Variants in NKAIN3 observed in about 807,000 individuals in gnomAD.
NKAIN3 encodes the protein sodium/potassium transporting ATPase interacting 3.
A neutral mutation model predicts 30.2 loss-of-function variants in NKAIN3; 25 were observed. The ratio of observed to expected loss-of-function variants is 0.83; its 90% CI spans 0.60 to 1.16. NKAIN3 has a LOEUF of 1.16. Ranked by LOEUF, NKAIN3 falls within the 50% of genes most tolerant of loss-of-function variation. The pLI is 0.00. For missense variants in NKAIN3, 225 were observed against 254.1 expected, an observed-to-expected ratio of 0.89 and a Z score of 0.78; for synonymous variants, 91 against 89.6, an observed-to-expected ratio of 1.02 and a Z score of -0.09.
chr8:62,829,742 T>TGATAGATAGATAGATA lies in NKAIN3; in HGVS notation c.471+82625_471+82640dup, dbSNP rs57301851. Among the ~76,000 whole-genome samples the TGATAGATAGATAGATA allele has an allele frequency of 7.4e-3, 1,106 of 150,376 alleles. 12 individuals carry two copies. Among genetic ancestry groups the TGATAGATAGATAGATA allele is most frequent in the African/African-American group, 0.019 (771 of 40,930 alleles). The stretch of plus-strand genomic sequence containing the variant: ...GTTGTTTGTTAACTAGATAGATAGA[T>TGATAGATAGATAGATA]GATAGATAGATAGATAGATAGATAG... On this transcript the variant is annotated intron_variant, in intron 4 of 6. Transcript: ENST00000623646.
rs185000808 is a variant in NKAIN3, at chr8:62,684,640, A to T, written c.274-62292A>T. Among the ~76,000 whole-genome samples, 450 of 152,326 alleles carry T rather than the reference A, an allele frequency of 3.0e-3. 1 individual carries two copies. The highest frequency in any genetic ancestry group is 9.6e-3 in the African/African-American group (401 of 41,570). ...AGATATAAATTAGGGTTATGGGCTG[A>T]ATTTTGTAGCCCCAAAACTACTATG... is the stretch of plus-strand genomic sequence containing the variant. On this transcript the variant is annotated intron_variant, in intron 3 of 6. Transcript: ENST00000623646.
chr8:62,945,628 A>G (rs1055120914), intron 5 of NKAIN3, among the ~76,000 whole-genome samples: 1 of 152,174 alleles, frequency 6.6e-6, no homozygotes, highest in Non-Finnish European at 1.5e-5. Flanking sequence ...AAATTTTGGA[A>G]TTGAGTCTCT....
intron 3 of NKAIN3, among the ~76,000 whole-genome samples, chr8:62,644,838 G>C (rs757465559): frequency 9.2e-5 from 14 of 152,166 alleles, no homozygotes; most frequent in Non-Finnish European, 1.6e-4. Flanking sequence ...ACTGGTTGCT[G>C]ATCAATTTGT....
chr8:62,507,901 G>A (rs1333333462), intron 1 of NKAIN3, among the ~76,000 whole-genome samples: 1 of 152,210 alleles, frequency 6.6e-6, no homozygotes, highest in African/African-American at 2.4e-5. Flanking sequence ...TCTTTGGAGA[G>A]ATTCTGCTGG....
At chr8:62,771,208 G>A (rs773993966) in intron 4 of NKAIN3, among the ~76,000 whole-genome samples, 3 of 152,052 alleles carry the variant, frequency 2.0e-5, no homozygotes, top group South Asian at 2.1e-4. Flanking sequence ...TGGGAGGATC[G>A]CTTGAGCCCG....
intron 1 of NKAIN3, among the ~76,000 whole-genome samples, chr8:62,284,601 G>A (rs1303884291): frequency 1.3e-5 from 2 of 152,018 alleles, no homozygotes; most frequent in African/African-American, 2.4e-5. Context: ...TTTCACTTCA[G>A]CCTGGGCAAC....
At chr8:62,677,662 G>T (rs1287176263) in intron 3 of NKAIN3, among the ~76,000 whole-genome samples, 1 of 152,148 alleles carries the variant, frequency 6.6e-6, no homozygotes, top group Non-Finnish European at 1.5e-5. Flanking sequence ...TAAAAGGAAG[G>T]TCAGTGAGGT....
chr8:62,330,084 C>T (rs1470954793), intron 1 of NKAIN3, among the ~76,000 whole-genome samples: 2 of 151,606 alleles, frequency 1.3e-5, no homozygotes, highest in Non-Finnish European at 2.9e-5. Context: ...AGAATGAGGA[C>T]GAGGAAGTAG....
rs536149876 is a variant in NKAIN3, at chr8:62,283,219, A to G, written c.54+34092A>G. Among the ~76,000 whole-genome samples the G allele has an allele frequency of 3.1e-3, 472 of 152,296 alleles. 4 individuals carry two copies. The highest frequency in any genetic ancestry group is 0.011 in the African/African-American group (461 of 41,558). On this transcript the variant is annotated intron_variant, in intron 1 of 6. Transcript: ENST00000623646. ...ATTTGAAATCTTGAACTTAATCCAGAATTAGAAAATGTCCTTAAGTTATCT... is the reference window on the plus strand; with the variant it reads ...ATTTGAAATCTTGAACTTAATCCAGGATTAGAAAATGTCCTTAAGTTATCT...
chr8:62,420,364 C>T (rs1287687774), intron 1 of NKAIN3, among the ~76,000 whole-genome samples: 1 of 152,094 alleles, frequency 6.6e-6, no homozygotes, highest in Non-Finnish European at 1.5e-5. Context: ...AGGGTGATTC[C>T]AATTACATAG....
chr8:62,539,243 TTAA>T, intron 1 of NKAIN3, among the ~76,000 whole-genome samples: 1 of 152,340 alleles, frequency 6.6e-6, no homozygotes, highest in South Asian at 2.1e-4. Flanking sequence ...CCAGGAAGAA[TTAA>T]TTTCTTGAAA....
chr8:62,887,791 A>G (rs1821192668), intron 4 of NKAIN3, among the ~76,000 whole-genome samples: 1 of 152,008 alleles, frequency 6.6e-6, no homozygotes, highest in African/African-American at 2.4e-5. Flanking sequence ...ATGCTGACCA[A>G]TTTTTTCATT....
chr8:62,885,909 G>A (rs1042154966), intron 4 of NKAIN3, among the ~76,000 whole-genome samples: 5 of 152,108 alleles, frequency 3.3e-5, no homozygotes, highest in East Asian at 1.9e-4. Flanking sequence ...ACAACATGTA[G>A]TTGGGTCTTG....
At chr8:62,340,515 C>T (rs568223882) in intron 1 of NKAIN3, among the ~76,000 whole-genome samples, 12 of 152,068 alleles carry the variant, frequency 7.9e-5, no homozygotes, top group Admixed American at 7.9e-4. Context: ...GAGAGAACTT[C>T]CTGCTTTTGA....
intron 3 of NKAIN3, among the ~76,000 whole-genome samples, chr8:62,729,051 A>AAAAAAAAAAAAAAAAAAAC (rs1815381968): frequency 7.0e-6 from 1 of 143,858 alleles, no homozygotes; most frequent in African/African-American, 2.5e-5. Flanking sequence ...AAAAAAAAAA[A>AAAAAAAAAAAAAAAAAAAC]ACCTCCTGCT....
At chr8:62,705,316 G>A (rs1814483238) in intron 3 of NKAIN3, among the ~76,000 whole-genome samples, 1 of 152,138 alleles carries the variant, frequency 6.6e-6, no homozygotes, top group Admixed American at 6.6e-5. Context: ...GGAACTGAGA[G>A]AGTTTAATGA....
At chr8:62,562,455 T>C (rs1215056527) in intron 1 of NKAIN3, among the ~76,000 whole-genome samples, 1 of 152,184 alleles carries the variant, frequency 6.6e-6, no homozygotes, top group Non-Finnish European at 1.5e-5. Flanking sequence ...TCTATCTTTT[T>C]CTAACGTTTT....
At chr8:62,689,630 A>G (rs528456316) in intron 3 of NKAIN3, among the ~76,000 whole-genome samples, 1 of 152,158 alleles carries the variant, frequency 6.6e-6, no homozygotes, top group Admixed American at 6.6e-5. Context: ...TTGTAAAATA[A>G]ATCTCCTTGG....
At chr8:62,993,656 T>C (rs1009990020) in intron 5 of NKAIN3, among the ~76,000 whole-genome samples, 2 of 152,168 alleles carry the variant, frequency 1.3e-5, no homozygotes, top group African/African-American at 4.8e-5. Context: ...CTCTTGTCCT[T>C]AGCCTCTGGT....
Sources: gnomAD v4.1 joint callset for allele counts (sites outside exome capture counted in the v4.1 genomes callset) on GRCh38, gnomAD v4.1.1 for gene constraint, MANE v1.5 for transcripts, NCBI Gene and HGNC (gene_info 2026-07-23, HGNC 2026-07-21) for gene names.